ERBB4: variants seen among roughly 807,000 people sequenced by gnomAD.
The protein encoded by ERBB4 is receptor tyrosine-protein kinase erbB-4.
In ERBB4, 42 loss-of-function variants were observed where a neutral mutation model predicts 158.0. That is an observed-to-expected ratio of 0.27 (90% confidence interval 0.21 to 0.34). The LOEUF is 0.34. Ranked by LOEUF, ERBB4 falls within the 10% of genes least tolerant of loss-of-function variation. The pLI is 1.00. For synonymous variants in ERBB4, 583 were observed against 558.7 expected (o/e 1.04, Z -0.61); for missense variants, 1,333 against 1,624.1 (o/e 0.82, Z 3.08).
chr2:211,611,156 T>C (rs2069178180), intron 19 of ERBB4, among the ~76,000 whole-genome samples: 1 of 152,106 alleles, frequency 6.6e-6, no homozygotes, highest in Non-Finnish European at 1.5e-5. Flanking sequence ...CTAAGGGGAC[T>C]TTCCCCTAAG....
chr2:212,463,836 GGAAAGACATTGA>G (rs1266603365), intron 1 of ERBB4, among the ~76,000 whole-genome samples: 3 of 152,040 alleles, frequency 2.0e-5, no homozygotes, highest in Non-Finnish European at 4.4e-5. Flanking sequence ...TAGGATACAT[GGAAAGACATTGA>G]GAAACTTTAA....
chr2:212,261,572 C>T (rs980434623), intron 1 of ERBB4, among the ~76,000 whole-genome samples: 4 of 151,834 alleles, frequency 2.6e-5, no homozygotes, highest in Admixed American at 2.6e-4. Context: ...TAATTTTGGT[C>T]AAAGATAATC....
intron 3 of ERBB4, among the ~76,000 whole-genome samples, chr2:211,934,068 C>G (rs111453907): frequency 9.9e-5 from 15 of 152,064 alleles, no homozygotes; most frequent in African/African-American, 3.4e-4. Flanking sequence ...ATTTTAGAGT[C>G]TCCTCCATCT....
chr2:211,886,799 G>C (rs930802208), intron 3 of ERBB4, among the ~76,000 whole-genome samples: 1 of 152,090 alleles, frequency 6.6e-6, no homozygotes, highest in African/African-American at 2.4e-5. Context: ...CCTATTACTT[G>C]TATGGGCTCA....
chr2:212,296,724 T>C (rs1431767491), intron 1 of ERBB4, among the ~76,000 whole-genome samples: 1 of 151,888 alleles, frequency 6.6e-6, no homozygotes, highest in Non-Finnish European at 1.5e-5. Flanking sequence ...CAGGAGAAGT[T>C]TGGAGAGCAA....
intron 20 of ERBB4, among the ~76,000 whole-genome samples, chr2:211,463,082 A>G (rs1353570036): frequency 6.6e-6 from 1 of 152,156 alleles, no homozygotes; most frequent in Non-Finnish European, 1.5e-5. Flanking sequence ...TCCCAGAAAA[A>G]AGAAATTCCT....
intron 20 of ERBB4, among the ~76,000 whole-genome samples, chr2:211,525,351 C>G (rs988148503): frequency 6.6e-6 from 1 of 152,126 alleles, no homozygotes; most frequent in African/African-American, 2.4e-5. Flanking sequence ...GATACCAGCT[C>G]AGCCACAGTA....
rs183222110 is a variant in ERBB4 at position 211,773,838 on chromosome 2, A to T, written c.556+14187T>A. On this transcript the variant is annotated intron_variant, in intron 4 of 27. Coordinates refer to ENST00000342788, the MANE Select transcript of ERBB4 (RefSeq NM_005235.3). ...GATTACTCCGGTCTGAATTCAGATC[A>T]CGTAGGACATTAATCATTGAACAAA... 2.1e-3 allele frequency among the ~76,000 whole-genome samples: 322 copies of T among 151,554 alleles called. 1 individual carries two copies. The highest frequency in any genetic ancestry group is 3.4e-3 in the Middle Eastern group (1 of 292).
At chr2:212,393,697 T>C (rs1175245657) in intron 1 of ERBB4, among the ~76,000 whole-genome samples, 8 of 152,080 alleles carry the variant, frequency 5.3e-5, no homozygotes, top group Non-Finnish European at 1.2e-4. Flanking sequence ...TGATCTTGGA[T>C]CCACCAGACC....
chr2:211,721,891 C>G (rs926670495), intron 7 of ERBB4, among the ~76,000 whole-genome samples: 2 of 152,028 alleles, frequency 1.3e-5, no homozygotes, highest in African/African-American at 4.8e-5. Flanking sequence ...GAGATGGAGT[C>G]TCTCTCTGTC....
intron 1 of ERBB4, among the ~76,000 whole-genome samples, chr2:212,241,296 C>T (rs1016216017): frequency 1.3e-5 from 2 of 151,860 alleles, no homozygotes; most frequent in African/African-American, 4.8e-5. Context: ...ATTTTAAAAC[C>T]ATTCAAACAG....
intron 3 of ERBB4, among the ~76,000 whole-genome samples, chr2:211,940,327 CA>C (rs1291519058): frequency 6.6e-6 from 1 of 152,014 alleles, no homozygotes; most frequent in Non-Finnish European, 1.5e-5. Flanking sequence ...CTCTGAGGAG[CA>C]AAAATGTTCC....
At chr2:212,511,892 G>A (rs1227267354) in intron 1 of ERBB4, among the ~76,000 whole-genome samples, 1 of 152,110 alleles carries the variant, frequency 6.6e-6, no homozygotes, top group African/African-American at 2.4e-5. Context: ...TCACCATCCA[G>A]TACCAAAGGA....
At chr2:212,536,411 G>A (rs766657115) in intron 1 of ERBB4, among the ~76,000 whole-genome samples, 7 of 152,200 alleles carry the variant, frequency 4.6e-5, no homozygotes, top group African/African-American at 1.4e-4. Context: ...ATGCACCCGA[G>A]AGCTTTTCTT....
At chr2:211,888,687 TGC>T (rs1161533737) in intron 3 of ERBB4, among the ~76,000 whole-genome samples, 1 of 151,438 alleles carries the variant, frequency 6.6e-6, no homozygotes, top group African/African-American at 2.4e-5. Context: ...GGCCAGTGGG[TGC>T]GCGCACCGTG....
intron 8 of ERBB4, 43 bp downstream of exon 8, chr2:211,713,492 A>T (rs746061782): frequency 1.2e-4 from 144 of 1,207,006 alleles, no homozygotes; most frequent in Non-Finnish European, 1.4e-4. Context: ...AAACCTTGTT[A>T]TATAGGCCCA....
At chr2:211,630,930 T>G (rs2070098439) in intron 16 of ERBB4, among the ~76,000 whole-genome samples, 1 of 152,192 alleles carries the variant, frequency 6.6e-6, no homozygotes, top group Admixed American at 6.6e-5. Context: ...GCGCATTTAA[T>G]ATTTTTCTAT....
At chr2:211,684,035 C>A (rs950916004) in intron 12 of ERBB4, among the ~76,000 whole-genome samples, 6 of 151,990 alleles carry the variant, frequency 3.9e-5, no homozygotes, top group African/African-American at 1.5e-4. Flanking sequence ...AATTAGATTT[C>A]GTTTATTTAT....
chr2:211,548,371 A>AACAC (rs2066996777), intron 20 of ERBB4, among the ~76,000 whole-genome samples: 1 of 151,998 alleles, frequency 6.6e-6, no homozygotes, highest in Non-Finnish European at 1.5e-5. Context: ...GAGATAAACT[A>AACAC]AAAACACAAA....
Sources: gnomAD v4.1 joint callset for allele counts (sites outside exome capture counted in the v4.1 genomes callset) on GRCh38, gnomAD v4.1.1 for gene constraint, MANE v1.5 for transcripts, NCBI Gene and HGNC (gene_info 2026-07-23, HGNC 2026-07-21) for gene names.